Variants in AKAP13 observed in about 807,000 individuals in gnomAD.
The protein encoded by AKAP13 is A-kinase anchoring protein 13.
In AKAP13, 80 loss-of-function variants were observed where a neutral mutation model predicts 264.5. The ratio of observed to expected loss-of-function variants is 0.30; its 90% CI spans 0.25 to 0.36. AKAP13 has a LOEUF of 0.36. Among genes scored for constraint, AKAP13 ranks in the 10% least tolerant of loss-of-function variants. The probability of loss-of-function intolerance (pLI) is 1.00; values close to 1 mark genes in which losing one functional copy is unlikely to be tolerated. For synonymous variants in AKAP13, 1,380 were observed against 1,250.2 expected (o/e 1.10, Z -2.19); for missense variants, 3,712 against 3,435.2 (o/e 1.08, Z -2.01).
chr15:85,522,031 C>T (rs1395665514), intron 3 of AKAP13, among the ~76,000 whole-genome samples: 1 of 152,204 alleles, frequency 6.6e-6, no homozygotes, highest in African/African-American at 2.4e-5. Context: ...TTGTAACCCA[C>T]AGCTCCAGTC....
intron 17 of AKAP13, among the ~76,000 whole-genome samples, chr15:85,694,631 CT>C (rs2085468777): frequency 6.6e-6 from 1 of 152,176 alleles, no homozygotes; most frequent in African/African-American, 2.4e-5. Context: ...CACGTTTTTG[CT>C]GTAAGGCAGT....
chr15:85,525,093 C>T (rs2076982904), intron 3 of AKAP13, among the ~76,000 whole-genome samples: 1 of 137,164 alleles, frequency 7.3e-6, no homozygotes, highest in South Asian at 2.2e-4. Context: ...GAGTCTCGCT[C>T]TGTGGTCCAG....
chr15:85,686,897 A>G (rs144585763), intron 16 of AKAP13, among the ~76,000 whole-genome samples: 1 of 152,348 alleles, frequency 6.6e-6, no homozygotes, highest in East Asian at 1.9e-4. Flanking sequence ...AGTTTGGATG[A>G]ATTCAAAATG....
At position 85,726,502 on chromosome 15, in the gene AKAP13, A is replaced by G. The variant is rs1567216188; in HGVS notation, c.6822+16A>G. 1 of 1,593,798 alleles carries G rather than the reference A, an allele frequency of 6.3e-7. No homozygotes were observed. The highest frequency in any genetic ancestry group is 1.1e-5 in the South Asian group (1 of 90,502). On this transcript the variant is annotated intron_variant, in intron 27 of 36. Coordinates refer to ENST00000394518, the MANE Select transcript of AKAP13 (RefSeq NM_007200.5). Reference sequence around the variant, plus strand: ...TGCATCATTGGTAAGCTGAATTGTTATTTTTGTAATAGTATTATAAGCAGC... The same window carrying G: ...TGCATCATTGGTAAGCTGAATTGTTGTTTTTGTAATAGTATTATAAGCAGC...
In AKAP13 at chr15:85,493,064, G is replaced by T. The variant is rs566679598; in HGVS notation, c.33+7311G>T. Among the ~76,000 whole-genome samples, 2 of 152,334 alleles carry T rather than the reference G, an allele frequency of 1.3e-5. 1 individual carries two copies. The highest frequency in any genetic ancestry group is 3.9e-4 in the East Asian group (2 of 5,194). On this transcript the variant is annotated intron_variant, in intron 2 of 36. Transcript: ENST00000394518. ...AATGGGGTACCCTTGTTCTGCGCAA[G>T]GTGTACCCTTGAATATAGGCGAAAG... is the stretch of plus-strand genomic sequence containing the variant.
At chr15:85,730,452 T>C in intron 29 of AKAP13, 61 bp from the exon 30 acceptor site, 2 of 1,551,126 alleles carry the variant, frequency 1.3e-6, no homozygotes, top group Non-Finnish European at 1.8e-6. Flanking sequence ...GCTCGTGTCT[T>C]AGTCATTCTC....
At chr15:85,690,014 G>C (rs2151630277) in intron 16 of AKAP13, 1 of 152,382 alleles carries the variant, frequency 6.6e-6, no homozygotes, top group East Asian at 1.9e-4. Context: ...ACGCTTCCTG[G>C]CATGGGGGTC....
intron 3 of AKAP13, among the ~76,000 whole-genome samples, chr15:85,524,363 A>G (rs2076942619): frequency 2.0e-5 from 3 of 151,806 alleles, no homozygotes; most frequent in South Asian, 2.1e-4. Context: ...TTTAGTAGAG[A>G]TGGGGTTTCA....
chr15:85,694,265 G>A (rs908604605), intron 17 of AKAP13, among the ~76,000 whole-genome samples: 5 of 152,244 alleles, frequency 3.3e-5, no homozygotes, highest in Admixed American at 1.3e-4. Context: ...AGCCAAGTCT[G>A]CTAACTGAGC....
chr15:85,553,212 G>T (rs1008281308), intron 5 of AKAP13, among the ~76,000 whole-genome samples: 4 of 151,038 alleles, frequency 2.6e-5, no homozygotes, highest in African/African-American at 7.3e-5. Flanking sequence ...TTGGCCTCCT[G>T]AGTAGCTGGG....
intron 8 of AKAP13, among the ~76,000 whole-genome samples, chr15:85,628,655 CAACA>C (rs1241371073): frequency 6.9e-6 from 1 of 145,420 alleles, no homozygotes; most frequent in Non-Finnish European, 1.5e-5. Flanking sequence ...ACAGAGCCAA[CAACA>C]AACAAACAGC....
intron 3 of AKAP13, among the ~76,000 whole-genome samples, chr15:85,530,707 G>T (rs2077216722): frequency 6.6e-6 from 1 of 152,130 alleles, no homozygotes; most frequent in South Asian, 2.1e-4. Flanking sequence ...TATTGATTCT[G>T]TTGACGAACC....
At chr15:85,562,495 G>A (rs1475057828) in intron 5 of AKAP13, among the ~76,000 whole-genome samples, 4 of 148,162 alleles carry the variant, frequency 2.7e-5, no homozygotes, top group African/African-American at 1.0e-4. Context: ...TACCTGGAAG[G>A]TGGTGGTTGC....
chr15:85,691,928 T>G, intron 16 of AKAP13: 1 of 466,304 alleles, frequency 2.1e-6, no homozygotes, highest in South Asian at 1.5e-5. Flanking sequence ...TTTTCCTGCC[T>G]TCCTGCACCC....
At chr15:85,545,524 T>C (rs2077705072) in intron 5 of AKAP13, among the ~76,000 whole-genome samples, 1 of 152,334 alleles carries the variant, frequency 6.6e-6, no homozygotes, top group Middle Eastern at 3.4e-3. Context: ...GGAAAGCCAC[T>C]TACCTCCTTT....
rs1453355669 is a variant in AKAP13 at position 85,415,239 on chromosome 15, C to G, written c.-12+34441C>G. On this transcript the variant is annotated intron_variant, in intron 1 of 36. Transcript: ENST00000394518. ...GCCCGCACCCCTCATGGCCACAGTT[C>G]AGCAGCTGGAAGGAAGATGGCGCCT... 10 of 1,560,558 alleles carry G rather than the reference C, an allele frequency of 6.4e-6. No homozygotes were observed. In the East Asian group the frequency reaches 2.1e-4, roughly 32 times the overall value.
Position 85,741,269 on chromosome 15 carries a change from A to T in AKAP13, c.7832A>T (p.Glu2611Val). ...REREWEARER[E>V]LREREALLAQ... ...CGTGAGTGGGAAGCTCGTGAGAGGGAGCTGCGGGAGCGGGAGGCCCTCCTG... is the reference window on the plus strand; with the variant it reads ...CGTGAGTGGGAAGCTCGTGAGAGGGTGCTGCGGGAGCGGGAGGCCCTCCTG... The change falls in exon 35 of 37, where the codon GAG (glutamate) becomes GTG (valine). Residue 2611 changes from glutamate to valine, a missense_variant. Coordinates refer to ENST00000394518, the MANE Select transcript of AKAP13 (RefSeq NM_007200.5). 1 of 1,609,928 alleles carries T rather than the reference A, an allele frequency of 6.2e-7. No homozygotes were observed. The highest frequency in any genetic ancestry group is 8.5e-7 in the Non-Finnish European group (1 of 1,178,310).
intron 9 of AKAP13, among the ~76,000 whole-genome samples, chr15:85,640,829 C>T (rs911057500): frequency 2.0e-5 from 3 of 152,188 alleles, no homozygotes; most frequent in East Asian, 3.8e-4. Context: ...AAGGAAAGAT[C>T]TCCACACATC....
chr15:85,640,484 C>G (rs1567170156), intron 9 of AKAP13, among the ~76,000 whole-genome samples: 1 of 152,166 alleles, frequency 6.6e-6, no homozygotes, highest in Non-Finnish European at 1.5e-5. Flanking sequence ...ATTGTCAACT[C>G]TCTAACTTTA....
Sources: gnomAD v4.1 joint callset for allele counts (sites outside exome capture counted in the v4.1 genomes callset) on GRCh38, gnomAD v4.1.1 for gene constraint, MANE v1.5 for transcripts, NCBI Gene and HGNC (gene_info 2026-07-23, HGNC 2026-07-21) for gene names.